Variants in SGCD observed in about 807,000 individuals in gnomAD.
SGCD encodes the protein sarcoglycan delta.
In SGCD, 18 loss-of-function variants were observed where a neutral mutation model predicts 36.6. The observed-to-expected ratio is 0.49, with a 90% CI of 0.34 to 0.73. The LOEUF (loss-of-function observed/expected upper bound fraction) is 0.73, where lower values mean the gene tolerates loss of function less well. Ranked by LOEUF, SGCD falls within the 30% of genes least tolerant of loss-of-function variation. The pLI is 0.01. For missense variants in SGCD, 387 were observed against 346.7 expected (o/e 1.12, Z -0.92); for synonymous variants, 133 against 130.6 (o/e 1.02, Z -0.12).
At chr5:156,602,399 T>C (rs542095508) in intron 6 of SGCD, among the ~76,000 whole-genome samples, 5 of 152,290 alleles carry the variant, frequency 3.3e-5, no homozygotes, top group Admixed American at 6.5e-5. Context: ...TAAAATCTTA[T>C]CATCTGCAAA....
the SGCD span, among the ~76,000 whole-genome samples, chr5:155,815,667 A>G: frequency 6.6e-6 from 1 of 152,196 alleles, no homozygotes; most frequent in Non-Finnish European, 1.5e-5. Flanking sequence ...TGGCTGGATT[A>G]GGAGGAAGAG....
intron 7 of SGCD, among the ~76,000 whole-genome samples, chr5:156,722,287 G>A (rs1755547669): frequency 6.6e-6 from 1 of 152,112 alleles, no homozygotes; most frequent in African/African-American, 2.4e-5. Flanking sequence ...CACAAACAGA[G>A]TAGCAAAGAC....
intron 3 of SGCD, among the ~76,000 whole-genome samples, chr5:156,499,727 T>G (rs1291080169): frequency 6.6e-6 from 1 of 152,112 alleles, no homozygotes; most frequent in African/African-American, 2.4e-5. Context: ...GATGGAGAAG[T>G]GAGCAGGTGC....
At chr5:156,108,983 G>A (rs937374037) in intron 1 of SGCD, among the ~76,000 whole-genome samples, 2 of 152,124 alleles carry the variant, frequency 1.3e-5, no homozygotes, top group African/African-American at 4.8e-5. Context: ...AGTATAGGCC[G>A]TGCTTGCTAG....
At chr5:156,558,557 A>G (rs1759138491) in intron 4 of SGCD, among the ~76,000 whole-genome samples, 1 of 152,106 alleles carries the variant, frequency 6.6e-6, no homozygotes, top group Non-Finnish European at 1.5e-5. Context: ...TATACCACTC[A>G]CCGGGGGTAG....
chr5:155,947,899 C>G (rs1366304386), intron 1 of SGCD, among the ~76,000 whole-genome samples: 1 of 151,660 alleles, frequency 6.6e-6, no homozygotes, highest in Non-Finnish European at 1.5e-5. Context: ...GACACAAGAT[C>G]TCTCTAAGCC....
At chr5:156,588,496 T>G (rs1760585635) in intron 4 of SGCD, among the ~76,000 whole-genome samples, 1 of 152,132 alleles carries the variant, frequency 6.6e-6, no homozygotes, top group South Asian at 2.1e-4. Flanking sequence ...AAGCCTGAAA[T>G]ATTCAGTCTC....
intron 1 of SGCD, among the ~76,000 whole-genome samples, chr5:155,941,222 G>T (rs751878368): frequency 5.3e-5 from 8 of 152,116 alleles, no homozygotes; most frequent in Non-Finnish European, 1.2e-4. Flanking sequence ...AATTCATAAG[G>T]GCACAGCCCT....
rs563183360 is a variant in SGCD at position 156,402,995 on chromosome 5, G to C, written c.192+58318G>C. The stretch of plus-strand genomic sequence containing the variant: ...GCAGTTATACCATTTGATAGCCGCG[G>C]TCTTTTGGCAAGATAGCAGAAGTTA... On this transcript the variant is annotated intron_variant, in intron 3 of 8. Transcript: ENST00000337851. Among the ~76,000 whole-genome samples the C allele has an allele frequency of 2.8e-4, 43 of 152,300 alleles. 1 individual carries two copies. Among genetic ancestry groups the C allele is most frequent in the African/African-American group, 9.9e-4 (41 of 41,574 alleles).
chr5:156,038,131 T>C (rs1167558773), intron 1 of SGCD, among the ~76,000 whole-genome samples: 1 of 152,190 alleles, frequency 6.6e-6, no homozygotes, highest in African/African-American at 2.4e-5. Flanking sequence ...CACCCAGAGC[T>C]GTTAGAGAAC....
chr5:156,488,481 A>G (rs948905335), intron 3 of SGCD, among the ~76,000 whole-genome samples: 1 of 152,104 alleles, frequency 6.6e-6, no homozygotes, highest in Non-Finnish European at 1.5e-5. Flanking sequence ...CTTACAGGCC[A>G]GGAGAGAATG....
At chr5:156,733,595 G>A (rs928774447) in intron 7 of SGCD, among the ~76,000 whole-genome samples, 1 of 152,044 alleles carries the variant, frequency 6.6e-6, no homozygotes, top group South Asian at 2.1e-4. Context: ...TATTGTCAGT[G>A]GGGTGTTAAA....
chr5:156,086,717 G>A (rs1287974161), intron 1 of SGCD, among the ~76,000 whole-genome samples: 1 of 152,112 alleles, frequency 6.6e-6, no homozygotes, highest in Non-Finnish European at 1.5e-5. Flanking sequence ...ATTAGATAAG[G>A]GAAACATGGT....
chr5:156,432,815 C>A (rs1753079589), intron 3 of SGCD, among the ~76,000 whole-genome samples: 1 of 152,100 alleles, frequency 6.6e-6, no homozygotes, highest in Non-Finnish European at 1.5e-5. Flanking sequence ...CCCACAGTGC[C>A]CTATTAACAG....
the SGCD span, among the ~76,000 whole-genome samples, chr5:155,862,091 T>C: frequency 6.6e-6 from 1 of 152,224 alleles, no homozygotes; most frequent in Admixed American, 6.5e-5. Context: ...GACACATGTC[T>C]CGTGGCACTT....
At chr5:155,947,155 A>G (rs1207693257) in intron 1 of SGCD, among the ~76,000 whole-genome samples, 1 of 152,162 alleles carries the variant, frequency 6.6e-6, no homozygotes, top group East Asian at 1.9e-4. Context: ...CCCTTTAGCT[A>G]CTATGGCATT....
chr5:156,419,734 G>A (rs545948198), intron 3 of SGCD, among the ~76,000 whole-genome samples: 3 of 152,198 alleles, frequency 2.0e-5, no homozygotes, highest in South Asian at 2.1e-4. Context: ...GCCTTAATCC[G>A]TGTTTTTGAT....
the SGCD span, among the ~76,000 whole-genome samples, chr5:155,844,514 G>A: frequency 1.3e-5 from 2 of 151,448 alleles, no homozygotes; most frequent in African/African-American, 4.9e-5. Flanking sequence ...ATATTAGAAA[G>A]AAGTATAATT....
chr5:155,852,299 A>G, the SGCD span, among the ~76,000 whole-genome samples: 1 of 152,152 alleles, frequency 6.6e-6, no homozygotes, highest in Non-Finnish European at 1.5e-5. Context: ...AAAGTAGTTC[A>G]ATCCTTTGGA....
Sources: gnomAD v4.1 joint callset for allele counts (sites outside exome capture counted in the v4.1 genomes callset) on GRCh38, gnomAD v4.1.1 for gene constraint, MANE v1.5 for transcripts, NCBI Gene and HGNC (gene_info 2026-07-23, HGNC 2026-07-21) for gene names.